MRPS27: variants seen among roughly 807,000 people sequenced by gnomAD.
The protein encoded by MRPS27 is mitochondrial ribosomal protein S27, also known as small ribosomal subunit protein mS27.
A neutral mutation model predicts 48.9 loss-of-function variants in MRPS27; 43 were observed. The ratio of observed to expected loss-of-function variants is 0.88; its 90% CI spans 0.69 to 1.13. The LOEUF (loss-of-function observed/expected upper bound fraction) is 1.13, where lower values mean the gene tolerates loss of function less well. Among genes scored for constraint, MRPS27 ranks in the 50% most tolerant of loss-of-function variants. MRPS27 has a pLI of 0.00. For missense variants in MRPS27, 467 were observed against 476.3 expected (o/e 0.98, Z 0.18); for synonymous variants, 188 against 171.9 (o/e 1.09, Z -0.73).
At chr5:72,297,485 A>G (rs1750010904) in intron 3 of MRPS27, 147 bp downstream of exon 3, 2 of 518,898 alleles carry the variant, frequency 3.9e-6, no homozygotes, top group South Asian at 2.6e-5. Flanking sequence ...AGTATAAAAT[A>G]TCTATTAGTA....
At chr5:72,275,619 G>T (rs1749353282) in intron 4 of MRPS27, among the ~76,000 whole-genome samples, 1 of 152,148 alleles carries the variant, frequency 6.6e-6, no homozygotes, top group Non-Finnish European at 1.5e-5. Context: ...TAAACAAATT[G>T]AACACTCAAA....
At position 72,246,090 on chromosome 5, in the gene MRPS27, C is replaced by T. The variant is rs1012453189; in HGVS notation, c.282-7962G>A. ...AGGGGACAAGTTATCTATCATTTTG[C>T]GTCTACAAACAAGTGAACAAGGACT... On this transcript the variant is annotated intron_variant, in intron 4 of 10. Transcript: ENST00000261413. Among the ~76,000 whole-genome samples, 8 of 152,064 alleles carry T rather than the reference C, an allele frequency of 5.3e-5. No individual in the cohort carries two copies. The East Asian group carries it at 5.8e-4, about 11-fold the overall frequency.
Position 72,320,183 on chromosome 5 carries a change from C to A in MRPS27, c.39G>T (p.Ala13=), listed in dbSNP as rs1453860642. 3 of 1,613,876 alleles carry A rather than the reference C, an allele frequency of 1.9e-6. No individual in the cohort carries two copies. Among genetic ancestry groups the A allele is most frequent in the Non-Finnish European group, 2.5e-6 (3 of 1,179,912 alleles). ...AGAGCTGAGGAAGAACCACTTGCCG[C>A]GCCAGGAGCATCCCGCGCCGCACTA... ...ASIVRRGMLL[A]RQVVLPQLSP... The change falls in exon 1 of 11, where the codon GCG becomes GCT. Residue 13 remains alanine (A), a synonymous_variant. Coordinates refer to ENST00000261413, the MANE Select transcript of MRPS27 (RefSeq NM_015084.3).
At chr5:72,225,779 AT>A (rs35100305) in intron 9 of MRPS27, among the ~76,000 whole-genome samples, 119 of 145,950 alleles carry the variant, frequency 8.2e-4, no homozygotes, top group African/African-American at 8.5e-4. Flanking sequence ...TCCCACTGAG[AT>A]TTTTTTTTTT....
At position 72,234,181 on chromosome 5, in the gene MRPS27, A is replaced by G; in HGVS notation, c.413T>C (p.Phe138Ser). 6.6e-7 allele frequency: 1 copy of G among 1,507,154 alleles called. No individual in the cohort carries two copies. Among genetic ancestry groups the G allele is most frequent in the Non-Finnish European group, 8.8e-7 (1 of 1,131,656 alleles). 93.4% of individuals were successfully genotyped at this position (1,507,154 alleles called of 1,614,324 possible). A position where few individuals can be genotyped will look rare whatever the true frequency, so the allele number is the denominator to read the frequency against. Residue 138 changes from phenylalanine to serine, a missense_variant, in exon 6 of 11, where the codon TTT becomes TCT. Phe to Ser is a radical substitution (Grantham distance 155). Transcript: ENST00000261413. ...TLVNKVQYGIFPDNFTFNLLM... is the reference protein window; with the variant it reads ...TLVNKVQYGISPDNFTFNLLM... The stretch of plus-strand genomic sequence containing the variant: ...TAAATTGAATGTAAAGTTATCTGGA[A>G]AAATTCCATATTGAACCTATAATGA...
intron 7 of MRPS27, among the ~76,000 whole-genome samples, chr5:72,231,756 G>A (rs554045076): frequency 1.9e-4 from 29 of 152,224 alleles, no homozygotes; most frequent in African/African-American, 6.0e-4. Context: ...GAGGTTAAGG[G>A]CAGATGGCAG....
At chr5:72,314,328 A>T in intron 1 of MRPS27, 170 bp from the exon 2 acceptor site, 1 of 458,288 alleles carries the variant, frequency 2.2e-6, no homozygotes. Flanking sequence ...GTGAAGAACA[A>T]AATGCATTCA....
intron 4 of MRPS27, among the ~76,000 whole-genome samples, chr5:72,285,785 A>G (rs12187580): frequency 0.063 from 9,638 of 152,234 alleles, 551 homozygotes; most frequent in African/African-American, 0.15. Context: ...TCAGTCAACC[A>G]AAGTGTTGAG....
At chr5:72,253,054 A>C (rs1748708565) in intron 4 of MRPS27, among the ~76,000 whole-genome samples, 1 of 152,020 alleles carries the variant, frequency 6.6e-6, no homozygotes, top group South Asian at 2.1e-4. Context: ...TCTCAGCTCC[A>C]CTCACACTTC....
chr5:72,299,856 C>T (rs559361915), intron 2 of MRPS27, among the ~76,000 whole-genome samples: 9 of 152,346 alleles, frequency 5.9e-5, no homozygotes, highest in Non-Finnish European at 1.3e-4. Flanking sequence ...TCTCATTTCA[C>T]TGAGAAAACA....
intron 2 of MRPS27, among the ~76,000 whole-genome samples, chr5:72,307,599 A>G (rs546923762): frequency 6.6e-6 from 1 of 152,094 alleles, no homozygotes; most frequent in Non-Finnish European, 1.5e-5. Context: ...AAGAGCTGAT[A>G]ATTGTTGAAG....
intron 2 of MRPS27, among the ~76,000 whole-genome samples, chr5:72,311,111 A>C (rs1177512843): frequency 2.0e-5 from 3 of 152,238 alleles, no homozygotes; most frequent in Admixed American, 6.5e-5. Context: ...AAGAGGAAAA[A>C]TGCTATGAGA....
At chr5:72,279,717 T>C (rs1470481942) in intron 4 of MRPS27, among the ~76,000 whole-genome samples, 1 of 152,158 alleles carries the variant, frequency 6.6e-6, no homozygotes, top group African/African-American at 2.4e-5. Context: ...TATCACTTAG[T>C]AATAAAACAA....
intron 2 of MRPS27, among the ~76,000 whole-genome samples, chr5:72,313,332 G>A (rs1750487796): frequency 6.6e-6 from 1 of 152,004 alleles, no homozygotes; most frequent in Non-Finnish European, 1.5e-5. Flanking sequence ...GAAATCTGGG[G>A]GAATATATTA....
chr5:72,312,811 G>A (rs1750475347), intron 2 of MRPS27, among the ~76,000 whole-genome samples: 1 of 151,788 alleles, frequency 6.6e-6, no homozygotes. Context: ...TAACAGACGG[G>A]GTTTCATCAT....
intron 4 of MRPS27, among the ~76,000 whole-genome samples, chr5:72,249,055 A>G (rs73125485): frequency 0.015 from 2,295 of 152,358 alleles, 68 homozygotes; most frequent in African/African-American, 0.051. Flanking sequence ...GACTGTCCAC[A>G]TATACATGGC....
chr5:72,241,645 G>C (rs754205158), intron 4 of MRPS27: 5 of 1,535,354 alleles, frequency 3.3e-6, no homozygotes, highest in Middle Eastern at 1.7e-4. Context: ...ATGGGCACTT[G>C]CCTGGAATAA....
intron 4 of MRPS27, among the ~76,000 whole-genome samples, chr5:72,280,365 C>T (rs1289205564): frequency 6.6e-6 from 1 of 151,770 alleles, no homozygotes; most frequent in Non-Finnish European, 1.5e-5. Flanking sequence ...AAAAGACTGG[C>T]AAGAAACACA....
intron 4 of MRPS27, among the ~76,000 whole-genome samples, chr5:72,265,409 A>G (rs1368451130): frequency 6.6e-6 from 1 of 152,252 alleles, no homozygotes; most frequent in Non-Finnish European, 1.5e-5. Flanking sequence ...AGCAGTGCCC[A>G]GTTTACAAAG....
Sources: allele counts gnomAD v4.1 joint callset (sites outside exome capture counted in the v4.1 genomes callset), GRCh38; gene constraint gnomAD v4.1.1; transcripts MANE v1.5; gene names NCBI Gene and HGNC (gene_info 2026-07-23, HGNC 2026-07-21).